LDHB: variants seen among roughly 807,000 people sequenced by gnomAD.
The protein encoded by LDHB is L-lactate dehydrogenase B chain.
Under a neutral mutation model 33.4 loss-of-function variants are expected in LDHB, and 18 were observed. That is an observed-to-expected ratio of 0.54 (90% CI 0.37 to 0.80). The LOEUF is 0.80. Among genes scored for constraint, LDHB ranks in the 30% least tolerant of loss-of-function variants. LDHB has a pLI of 0.00. For missense variants in LDHB, 345 were observed against 407.9 expected (o/e 0.85, Z 1.33); for synonymous variants, 121 against 140.6 (o/e 0.86, Z 0.98).
At chr12:21,654,480 G>A (rs1938781272) in intron 2 of LDHB, 63 bp downstream of exon 2, 1 of 1,491,176 alleles carries the variant, frequency 6.7e-7, no homozygotes, top group Non-Finnish European at 9.4e-7. Context: ...ATTCCAAGGT[G>A]CCCAAAGAAA....
intron 2 of LDHB, among the ~76,000 whole-genome samples, chr12:21,648,997 C>T (rs1436926023): frequency 6.6e-6 from 1 of 152,212 alleles, no homozygotes; most frequent in Non-Finnish European, 1.5e-5. Context: ...CACGTTTTGA[C>T]ACCTTTAAGG....
Position 21,644,101 on chromosome 12 carries a change from A to G in LDHB, c.255T>C (p.Ser85=), listed in dbSNP as rs754961140. 1.9e-6 allele frequency: 3 copies of G among 1,611,480 alleles called. No homozygotes were observed. Among genetic ancestry groups the G allele is most frequent in the South Asian group, 2.2e-5 (2 of 91,030 alleles). ...TPKIVADKDY[S]VTANSKIVVV... ...CTACAATCTTAGAATTGGCAGTCAC[A>G]GAATAATCTTTAAAAAGAAAAGCAA... Residue 85 remains serine (S), a synonymous_variant, in exon 4 of 8, where the codon TCT becomes TCC. Coordinates refer to ENST00000350669, the MANE Select transcript of LDHB (RefSeq NM_002300.8).
chr12:21,657,531 GCTACCCT>G (rs1938891239), intron 1 of LDHB: 1 of 152,888 alleles, frequency 6.5e-6, no homozygotes, highest in Non-Finnish European at 1.5e-5. Flanking sequence ...AGCCGCAGCT[GCTACCCT>G]CTGCCTTCTG....
Position 21,654,626 on chromosome 12 carries a change from C to A in LDHB, c.46G>T (p.Glu16Ter), listed in dbSNP as rs760880532. The stretch of plus-strand genomic sequence containing the variant: ...ATCTTATTGTTTGGAACTGTTGCCT[C>A]TTCTTCCGCAACTGGTGCAATGAGT... ...EKLIAPVAEE[E>*]ATVPNNKITV... The change falls in exon 2 of 8, where the codon GAG becomes TAG. Residue 16 changes from glutamate (E) to a stop codon, truncating the protein, a stop_gained. Transcript: ENST00000350669. LOFTEE classifies it high-confidence loss of function. 2 of 1,614,024 alleles carry A rather than the reference C, an allele frequency of 1.2e-6. No individual in the cohort carries two copies. Among genetic ancestry groups the A allele is most frequent in the Non-Finnish European group, 1.7e-6 (2 of 1,179,882 alleles).
chr12:21,644,752 T>C (rs745565156), intron 3 of LDHB, among the ~76,000 whole-genome samples: 2 of 152,198 alleles, frequency 1.3e-5, no homozygotes, highest in Non-Finnish European at 2.9e-5. Context: ...TGATGATTGG[T>C]AATACTTTGT....
At chr12:21,649,504 T>C (rs780270747) in intron 2 of LDHB, among the ~76,000 whole-genome samples, 33 of 152,320 alleles carry the variant, frequency 2.2e-4, no homozygotes, top group Non-Finnish European at 2.9e-4. Flanking sequence ...TGTAAGCATG[T>C]TTAAAATGTT....
At chr12:21,643,387 T>C (rs115158818) in intron 4 of LDHB, among the ~76,000 whole-genome samples, 30 of 152,384 alleles carry the variant, frequency 2.0e-4, no homozygotes, top group African/African-American at 7.2e-4. Context: ...GAAGGTTTAA[T>C]GTTCATCCTG....
At position 21,643,980 on chromosome 12, in the gene LDHB, C is replaced by G; in HGVS notation, c.376G>C (p.Val126Leu). ...ATGATGCAATCAGGACTGTACTTGA[C>G]GATCTGAGGAATAATGAATTTGAAG... ...NVFKFIIPQI[V>L]KYSPDCIIIV... Residue 126 changes from valine (V) to leucine (L), a missense_variant, in exon 4 of 8, where the codon GTC becomes CTC. By Grantham distance (32) the Val-to-Leu change is conservative. Coordinates refer to ENST00000350669, the MANE Select transcript of LDHB (RefSeq NM_002300.8). The G allele has an allele frequency of 1.2e-6, 2 of 1,612,712 alleles. No individual in the cohort carries two copies. Among genetic ancestry groups the G allele is most frequent in the Admixed American group, 1.7e-5 (1 of 60,004 alleles).
chr12:21,650,422 G>A (rs1016278385), intron 2 of LDHB, among the ~76,000 whole-genome samples: 1 of 152,136 alleles, frequency 6.6e-6, no homozygotes, highest in Non-Finnish European at 1.5e-5. Context: ...GCAATTTGTC[G>A]TTGTACCTAC....
chr12:21,654,382 A>G, intron 2 of LDHB, 161 bp downstream of exon 2: 1 of 661,106 alleles, frequency 1.5e-6, no homozygotes, highest in Non-Finnish European at 2.6e-6. Flanking sequence ...TAGGAGATAC[A>G]TGCTTAAATA....
At chr12:21,637,237 C>A in intron 6 of LDHB, 43 bp from the exon 7 acceptor site, 1 of 1,495,368 alleles carries the variant, frequency 6.7e-7, no homozygotes, top group Non-Finnish European at 9.3e-7. Context: ...AAGACTCAAT[C>A]ATTATTGAAA....
intron 5 of LDHB, among the ~76,000 whole-genome samples, chr12:21,640,548 G>A (rs2136964314): frequency 6.6e-6 from 1 of 152,004 alleles, no homozygotes; most frequent in African/African-American, 2.4e-5. Context: ...TTACATTATA[G>A]AAGAGTAGAT....
chr12:21,644,598 CT>C (rs142930923), intron 3 of LDHB, among the ~76,000 whole-genome samples: 2 of 152,190 alleles, frequency 1.3e-5, no homozygotes, highest in African/African-American at 4.8e-5. Flanking sequence ...CTTTTTAGCG[CT>C]GCAAGTTTCC....
At position 21,637,114 on chromosome 12, in the gene LDHB, A is replaced by C. The variant is rs1235696655; in HGVS notation, c.794T>G (p.Leu265Trp). 6.2e-7 allele frequency: 1 copy of C among 1,608,646 alleles called. No individual in the cohort carries two copies. Among genetic ancestry groups the C allele is most frequent in the Admixed American group, 1.7e-5 (1 of 59,980 alleles). The change falls in exon 7 of 8, where the codon TTG (leucine) becomes TGG (tryptophan). Residue 265 changes from leucine to tryptophan, a missense_variant. By Grantham distance (61) the Leu-to-Trp change is moderately conservative. Transcript: ENST00000350669. ...GGGATGAATCCTGGATAGATTTTTC[A>C]ACATGGATTCAATAAGATCAGCCAC... is the stretch of plus-strand genomic sequence containing the variant. Reference protein sequence around the residue: ...LSVADLIESMLKNLSRIHPVS... With the variant: ...LSVADLIESMWKNLSRIHPVS...
At chr12:21,639,889 A>G (rs370887120) in intron 5 of LDHB, among the ~76,000 whole-genome samples, 1 of 152,072 alleles carries the variant, frequency 6.6e-6, no homozygotes, top group South Asian at 2.1e-4. Context: ...GAAAAAAGTC[A>G]GCATTCTTAT....
intron 2 of LDHB, among the ~76,000 whole-genome samples, chr12:21,650,105 T>TATACACACACACACACACAC: frequency 3.2e-5 from 1 of 31,008 alleles, no homozygotes; most frequent in South Asian, 1.1e-3. Flanking sequence ...AGAAAAAAAA[T>TATACACACACACACACACAC]ACACACACAC....
intron 3 of LDHB, among the ~76,000 whole-genome samples, chr12:21,644,424 C>CAAAAAAAAAAAA (rs72491634): frequency 3.6e-3 from 53 of 14,904 alleles, no homozygotes; most frequent in South Asian, 6.9e-3. Flanking sequence ...AGGTAGACAT[C>CAAAAAAAAAAAA]AAAAAAAAAA....
At position 21,638,383 on chromosome 12, in the gene LDHB, C is replaced by A. The variant is rs765295727; in HGVS notation, c.683G>T (p.Trp228Leu). 3 of 1,608,980 alleles carry A rather than the reference C, an allele frequency of 1.9e-6. No homozygotes were observed. The highest frequency in any genetic ancestry group is 2.6e-6 in the Non-Finnish European group (3 of 1,175,878). The change falls in exon 6 of 8, where the codon TGG becomes TTG. Residue 228 changes from tryptophan (W) to leucine (L), a missense_variant. Physicochemically the swap from Trp to Leu is moderately conservative, Grantham distance 61 (BLOSUM62 -2). Transcript: ENST00000350669. ...EMGTDNDSENWKEVHKMVVES... is the reference protein window; with the variant it reads ...EMGTDNDSENLKEVHKMVVES... ...AACCACCATCTTATGCACTTCCTTC[C>A]AATTTTCACTATCATTGTCAGTTCC...
intron 2 of LDHB, among the ~76,000 whole-genome samples, chr12:21,653,503 C>T (rs573667467): frequency 3.3e-5 from 5 of 152,176 alleles, no homozygotes; most frequent in Non-Finnish European, 5.9e-5. Flanking sequence ...CTCTAAAGGA[C>T]ATGTAAGTAA....
Sources: gnomAD v4.1 joint callset for allele counts (sites outside exome capture counted in the v4.1 genomes callset) on GRCh38, gnomAD v4.1.1 for gene constraint, MANE v1.5 for transcripts, NCBI Gene and HGNC (gene_info 2026-07-23, HGNC 2026-07-21) for gene names.